The following CREBBP variants were observed in gnomAD, a reference collection of about 807,000 sequenced individuals.
CREBBP encodes CREB binding lysine acetyltransferase.
A neutral mutation model predicts 265.0 loss-of-function variants in CREBBP; 19 were observed. The observed-to-expected ratio is 0.07, with a 90% CI of 0.05 to 0.11. The LOEUF (loss-of-function observed/expected upper bound fraction) is 0.11, where lower values mean the gene tolerates loss of function less well. CREBBP is among the 10% of genes least tolerant of loss of function. The pLI is 1.00. For missense variants in CREBBP, 2,525 were observed against 3,219.0 expected (o/e 0.78, Z 5.22); for synonymous variants, 1,457 against 1,223.7 (o/e 1.19, Z -3.98).
chr16:3,828,226 G>A (rs1040084885), intron 2 of CREBBP, among the ~76,000 whole-genome samples: 2 of 152,138 alleles, frequency 1.3e-5, no homozygotes, highest in Non-Finnish European at 2.9e-5. Context: ...CCGAGTAGCT[G>A]AGATTACAGG....
At chr16:3,798,707 A>G (rs1233684602) in intron 3 of CREBBP, among the ~76,000 whole-genome samples, 1 of 152,218 alleles carries the variant, frequency 6.6e-6, no homozygotes, top group Non-Finnish European at 1.5e-5. Context: ...GACGTGGAGA[A>G]CCTGGAATCC....
At position 3,778,757 on chromosome 16, in the gene CREBBP, G is replaced by T; in HGVS notation, c.1884C>A (p.Asn628Lys). The change falls in exon 9 of 31, where the codon AAC becomes AAA. Residue 628 changes from asparagine to lysine, a missense_variant. Physicochemically the swap from Asn to Lys is moderately conservative, Grantham distance 94. This residue lies in a region of CREBBP where 29 missense variants were observed against 99.9 expected (regional missense o/e 0.29). Coordinates refer to ENST00000262367, the MANE Select transcript of CREBBP (RefSeq NM_004380.3). ...CCACTTTCTTAGCATAGGCTACCAG[G>T]TTTTCCATGCGGCGATCCTTTAGAG... ...PAALKDRRME[N>K]LVAYAKKVEG... 6.2e-7 allele frequency: 1 copy of T among 1,614,112 alleles called. No individual in the cohort carries two copies. The highest frequency in any genetic ancestry group is 8.5e-7 in the Non-Finnish European group (1 of 1,179,982).
intron 24 of CREBBP, 46 bp downstream of exon 24, chr16:3,740,353 G>A (rs778908676): frequency 6.8e-6 from 11 of 1,610,206 alleles, no homozygotes; most frequent in South Asian, 1.1e-5. Flanking sequence ...TGGCAAGCGG[G>A]CGTGGGGACT....
At chr16:3,864,652 T>C (rs1422526314) in intron 1 of CREBBP, among the ~76,000 whole-genome samples, 1 of 151,740 alleles carries the variant, frequency 6.6e-6, no homozygotes, top group Admixed American at 6.6e-5. Context: ...TGACTCAAAA[T>C]AATAATAAAA....
chr16:3,784,994 A>T (rs1001540949), intron 5 of CREBBP, among the ~76,000 whole-genome samples: 6 of 152,258 alleles, frequency 3.9e-5, no homozygotes, highest in African/African-American at 1.4e-4. Flanking sequence ...TCTAAAATTC[A>T]GAAGCAAAGG....
At chr16:3,852,019 C>A (rs1234476208) in intron 1 of CREBBP, among the ~76,000 whole-genome samples, 1 of 84,894 alleles carries the variant, frequency 1.2e-5, no homozygotes, top group Non-Finnish European at 2.1e-5. Flanking sequence ...ACCTGGGCAA[C>A]AGCGAGACTC....
chr16:3,806,334 T>G (rs951446730), intron 3 of CREBBP, among the ~76,000 whole-genome samples: 2 of 152,110 alleles, frequency 1.3e-5, no homozygotes, highest in Non-Finnish European at 2.9e-5. Flanking sequence ...CACTCCAAAA[T>G]TCTGAAACTC....
chr16:3,739,365 C>T, intron 25 of CREBBP: 2 of 617,804 alleles, frequency 3.2e-6, no homozygotes, highest in Non-Finnish European at 5.6e-6. Flanking sequence ...CACAGACTCG[C>T]CACACAAAAC....
Position 3,757,872 on chromosome 16 carries a change from T to C in CREBBP, c.3546A>G (p.Ala1182=), listed in dbSNP as rs769282855. Residue 1182 remains alanine, a synonymous_variant, in exon 18 of 31, where the codon GCA becomes GCG. Transcript: ENST00000262367. ...SRVYKFCSKL[A]EVFEQEIDPV... The stretch of plus-strand genomic sequence containing the variant: ...GGTCAATTTCCTGCTCAAAGACCTC[T>C]GCAAGCTTACTGCAAAACTTATAGA... The C allele has an allele frequency of 1.1e-5, 18 of 1,614,194 alleles. No homozygotes were observed. The South Asian group carries it at 2.0e-4, about 18-fold the overall frequency.
chr16:3,734,746 G>A (rs1460441616), intron 28 of CREBBP, among the ~76,000 whole-genome samples: 3 of 152,028 alleles, frequency 2.0e-5, no homozygotes, highest in Non-Finnish European at 4.4e-5. Context: ...CGTCCAGCAG[G>A]TGGCTGCCTC....
At chr16:3,764,350 C>T (rs1306516617) in intron 16 of CREBBP, among the ~76,000 whole-genome samples, 1 of 152,162 alleles carries the variant, frequency 6.6e-6, no homozygotes, top group Admixed American at 6.5e-5. Context: ...AATCATGGTT[C>T]ACTACAGCCT....
At chr16:3,777,277 G>A (rs537743532) in intron 11 of CREBBP, among the ~76,000 whole-genome samples, 19 of 152,096 alleles carry the variant, frequency 1.2e-4, no homozygotes, top group African/African-American at 4.1e-4. Flanking sequence ...GGAGCTTGCA[G>A]TGAGCCAAGA....
At position 3,787,341 on chromosome 16, in the gene CREBBP, C is replaced by A. The variant is rs368288592; in HGVS notation, c.1331-4415G>T. Among the ~76,000 whole-genome samples, 4 of 152,294 alleles carry A rather than the reference C, an allele frequency of 2.6e-5. No homozygotes were observed. In the East Asian group the frequency reaches 5.8e-4, roughly 22 times the overall value. On this transcript the variant is annotated intron_variant, in intron 5 of 30. Coordinates refer to ENST00000262367, the MANE Select transcript of CREBBP (RefSeq NM_004380.3). ...GCCAAGTGACACTGGCGCAGTGACACTGCTCCTTGCTAGCAAGGAGAAAAG... is the reference window on the plus strand; with the variant it reads ...GCCAAGTGACACTGGCGCAGTGACAATGCTCCTTGCTAGCAAGGAGAAAAG...
Position 3,760,510 on chromosome 16 carries a change from C to G in CREBBP, c.3251-1538G>C, listed in dbSNP as rs1379392035. On this transcript the variant is annotated intron_variant, in intron 16 of 30. Transcript: ENST00000262367. ...CTCAGCCTCCTGAATTCAAGTGATT[C>G]TCCTGCCTCAGCCTCCCGAGTAGCT... Among the ~76,000 whole-genome samples, 3 of 140,820 alleles carry G rather than the reference C, an allele frequency of 2.1e-5. No individual in the cohort carries two copies. In the Admixed American group the frequency reaches 2.4e-4, roughly 11 times the overall value. The allele number at this position is 140,820 out of a possible 152,430, so 92.4% of individuals were successfully genotyped here.
In CREBBP at chr16:3,744,959, A is replaced by G. The variant is rs1261198229; in HGVS notation, c.3917T>C (p.Phe1306Ser). ...LHYDIIWPSG[F>S]VCDNCLKKTG... ...TTTCTTCAAGCAGTTGTCGCACACA[A>G]AACTGCAAAATAATAGTGGTATGAT... The change falls in exon 23 of 31, where the codon TTT becomes TCT. Residue 1306 changes from phenylalanine to serine, a missense_variant and splice_region_variant. Transcript: ENST00000262367. 6.2e-7 allele frequency: 1 copy of G among 1,611,364 alleles called. No individual in the cohort carries two copies. Among genetic ancestry groups the G allele is most frequent in the Non-Finnish European group, 8.5e-7 (1 of 1,177,558 alleles).
chr16:3,852,315 C>G (rs1477717191), intron 1 of CREBBP, among the ~76,000 whole-genome samples: 1 of 150,092 alleles, frequency 6.7e-6, no homozygotes, highest in Non-Finnish European at 1.5e-5. Flanking sequence ...ATTATAGGCG[C>G]CCACCACCAT....
At chr16:3,872,597 A>G (rs545963618) in intron 1 of CREBBP, among the ~76,000 whole-genome samples, 1 of 152,292 alleles carries the variant, frequency 6.6e-6, no homozygotes, top group African/African-American at 2.4e-5. Flanking sequence ...ATCCGGAGGG[A>G]TGCACTGCAA....
intron 1 of CREBBP, among the ~76,000 whole-genome samples, chr16:3,866,419 C>T (rs923403292): frequency 7.2e-5 from 11 of 152,090 alleles, no homozygotes; most frequent in African/African-American, 2.7e-4. Flanking sequence ...CTCTGGATGG[C>T]GCCTCTTAGG....
At chr16:3,751,842 C>G in intron 19 of CREBBP, 36 bp from the exon 20 acceptor site, 2 of 1,601,962 alleles carry the variant, frequency 1.2e-6, no homozygotes, top group Non-Finnish European at 1.7e-6. Flanking sequence ...GTGAACTGGT[C>G]CATCATAACA....
Sources: gnomAD v4.1 joint callset for allele counts (sites outside exome capture counted in the v4.1 genomes callset) on GRCh38, gnomAD v4.1.1 for gene constraint, gnomAD v4.1.1 regional missense constraint, MANE v1.5 for transcripts, NCBI Gene and HGNC (gene_info 2026-07-23, HGNC 2026-07-21) for gene names.